CENPW: variants seen among roughly 807,000 people sequenced by gnomAD.
CENPW encodes the protein centromere protein W, also known as cancer-up-regulated gene 2 protein.
CENPW carries 3 observed loss-of-function variants against 11.1 expected under a neutral mutation model. That is an observed-to-expected ratio of 0.27 (90% CI 0.12 to 0.70). The LOEUF (loss-of-function observed/expected upper bound fraction) is 0.70. CENPW is among the 30% of genes least tolerant of loss of function. The probability of loss-of-function intolerance (pLI) is 0.77; values close to 1 mark genes in which losing one functional copy is unlikely to be tolerated. For missense variants in CENPW, 100 were observed against 105.6 expected, an observed-to-expected ratio of 0.95 and a Z score of 0.23; for synonymous variants, 38 against 42.0, an observed-to-expected ratio of 0.91 and a Z score of 0.37.
At chr6:126,440,888 T>G in the CENPW span, among the ~76,000 whole-genome samples, 1 of 151,454 alleles carries the variant, frequency 6.6e-6, no homozygotes, top group Non-Finnish European at 1.5e-5. Flanking sequence ...TAGCTATGTT[T>G]GTATTAGAGA....
chr6:126,469,151 A>AATTTTGAATTTTGGG, the CENPW span, among the ~76,000 whole-genome samples: 1 of 152,058 alleles, frequency 6.6e-6, no homozygotes, highest in Admixed American at 6.6e-5. Context: ...CCCCACCCAA[A>AATTTTGAATTTTGGG]TCTCACCTTG....
At chr6:126,482,126 G>A in the CENPW span, among the ~76,000 whole-genome samples, 2 of 151,966 alleles carry the variant, frequency 1.3e-5, no homozygotes, top group East Asian at 1.9e-4. Context: ...TTTTATTTCA[G>A]AGTATAGACA....
intron 1 of CENPW, among the ~76,000 whole-genome samples, chr6:126,345,285 A>G (rs907833220): frequency 4.6e-5 from 7 of 152,086 alleles, no homozygotes; most frequent in African/African-American, 1.4e-4. Context: ...ATGTTGATAT[A>G]TATATTATCT....
the CENPW span, among the ~76,000 whole-genome samples, chr6:126,438,527 G>C: frequency 6.6e-6 from 1 of 151,584 alleles, no homozygotes; most frequent in Non-Finnish European, 1.5e-5. Context: ...TGCCTTTTCA[G>C]CTGCATTCCT....
the CENPW span, among the ~76,000 whole-genome samples, chr6:126,457,136 G>A: frequency 6.1e-4 from 93 of 151,306 alleles, no homozygotes; most frequent in African/African-American, 1.8e-3. Flanking sequence ...GTAATGTAGC[G>A]ATCTCCAAAA....
the CENPW span, among the ~76,000 whole-genome samples, chr6:126,379,423 G>A: frequency 5.3e-5 from 8 of 152,168 alleles, no homozygotes; most frequent in South Asian, 1.0e-3. Context: ...TAATACTTGA[G>A]TGTGAAGCCT....
the CENPW span, among the ~76,000 whole-genome samples, chr6:126,457,041 T>A: frequency 6.6e-6 from 1 of 151,118 alleles, no homozygotes; most frequent in Non-Finnish European, 1.5e-5. Flanking sequence ...ATCAAAAAAA[T>A]AATGGATGCT....
At chr6:126,465,273 A>G in the CENPW span, among the ~76,000 whole-genome samples, 1 of 152,164 alleles carries the variant, frequency 6.6e-6, no homozygotes, top group Non-Finnish European at 1.5e-5. Flanking sequence ...AACAGAGTTT[A>G]CAATAGCATC....
At chr6:126,399,899 A>G in the CENPW span, among the ~76,000 whole-genome samples, 1 of 152,032 alleles carries the variant, frequency 6.6e-6, no homozygotes, top group Non-Finnish European at 1.5e-5. Context: ...TAAAATTTAT[A>G]AAAACAGAAT....
At chr6:126,375,251 T>A in the CENPW span, among the ~76,000 whole-genome samples, 1 of 152,186 alleles carries the variant, frequency 6.6e-6, no homozygotes, top group Non-Finnish European at 1.5e-5. Context: ...TGCTGTAGCA[T>A]GCTGAAGAAG....
the CENPW span, among the ~76,000 whole-genome samples, chr6:126,361,937 G>A: frequency 2.0e-5 from 3 of 152,180 alleles, no homozygotes; most frequent in African/African-American, 7.2e-5. Flanking sequence ...TGGCAGGCTC[G>A]GAGGGCCAGT....
chr6:126,367,333 T>G, the CENPW span, among the ~76,000 whole-genome samples: 1 of 152,026 alleles, frequency 6.6e-6, no homozygotes, highest in African/African-American at 2.4e-5. Flanking sequence ...AAAATAAATT[T>G]AAAAATTAGT....
chr6:126,476,546 A>G, the CENPW span, among the ~76,000 whole-genome samples: 1 of 151,954 alleles, frequency 6.6e-6, no homozygotes, highest in Non-Finnish European at 1.5e-5. Context: ...TCCTTTTACT[A>G]GAGGAGTCAC....
chr6:126,419,891 T>G, the CENPW span, among the ~76,000 whole-genome samples: 1 of 152,190 alleles, frequency 6.6e-6, no homozygotes, highest in African/African-American at 2.4e-5. Flanking sequence ...AATCCAAGAT[T>G]ATTTCTCCAT....
chr6:126,343,709 A>C (rs1780355470), intron 1 of CENPW, among the ~76,000 whole-genome samples: 1 of 152,218 alleles, frequency 6.6e-6, no homozygotes, highest in Non-Finnish European at 1.5e-5. Context: ...GAGAGAGATG[A>C]AGGCTGGAAG....
At chr6:126,425,611 C>T in the CENPW span, among the ~76,000 whole-genome samples, 1 of 151,678 alleles carries the variant, frequency 6.6e-6, no homozygotes, top group South Asian at 2.1e-4. Flanking sequence ...TAGTACTGCA[C>T]CACACAATCC....
the CENPW span, among the ~76,000 whole-genome samples, chr6:126,442,790 T>A: frequency 6.6e-6 from 1 of 151,270 alleles, no homozygotes; most frequent in African/African-American, 2.4e-5. Context: ...ACTACTTACA[T>A]CTATGGAACA....
At chr6:126,458,184 A>G in the CENPW span, among the ~76,000 whole-genome samples, 1 of 151,188 alleles carries the variant, frequency 6.6e-6, no homozygotes, top group East Asian at 1.9e-4. Flanking sequence ...TTTTAATCCA[A>G]TTCTCCACCC....
At chr6:126,383,508 G>A in the CENPW span, among the ~76,000 whole-genome samples, 1 of 151,922 alleles carries the variant, frequency 6.6e-6, no homozygotes, top group Non-Finnish European at 1.5e-5. Context: ...AAACCCAATG[G>A]GATGCTGTCT....
Sources: gnomAD v4.1 joint callset for allele counts (sites outside exome capture counted in the v4.1 genomes callset) on GRCh38, gnomAD v4.1.1 for gene constraint, MANE v1.5 for transcripts, NCBI Gene and HGNC (gene_info 2026-07-23, HGNC 2026-07-21) for gene names.